SBF2: variants seen among roughly 807,000 people sequenced by gnomAD.
SBF2 encodes myotubularin-related protein 13.
SBF2 carries 112 observed loss-of-function variants against 225.2 expected under a neutral mutation model. That is an observed-to-expected ratio of 0.50 (90% confidence interval 0.43 to 0.58). The LOEUF is 0.58. Among genes scored for constraint, SBF2 ranks in the 20% least tolerant of loss-of-function variants. The probability of loss-of-function intolerance (pLI) is 0.00; values close to 1 mark genes in which losing one functional copy is unlikely to be tolerated. For synonymous variants in SBF2, 763 were observed against 773.3 expected, an observed-to-expected ratio of 0.99 and a Z score of 0.22; for missense variants, 1,996 against 2,206.2, an observed-to-expected ratio of 0.90 and a Z score of 1.91.
chr11:9,970,713 C>T (rs184525490), intron 13 of SBF2, among the ~76,000 whole-genome samples: 21 of 152,278 alleles, frequency 1.4e-4, no homozygotes, highest in Admixed American at 2.6e-4. Flanking sequence ...AACAACTTTG[C>T]CTAAGTTATA....
intron 1 of SBF2, among the ~76,000 whole-genome samples, chr11:10,201,691 G>C (rs918468243): frequency 1.3e-5 from 2 of 152,162 alleles, no homozygotes; most frequent in Admixed American, 1.3e-4. Context: ...AGAGTCCATA[G>C]GCTTTTACAG....
intron 17 of SBF2, among the ~76,000 whole-genome samples, chr11:9,884,660 C>A (rs1291124424): frequency 6.6e-5 from 10 of 152,096 alleles, no homozygotes; most frequent in Admixed American, 6.6e-4. Context: ...TGTGGGTGCA[C>A]AAAATACTCA....
chr11:9,936,985 C>T (rs1250558096), intron 16 of SBF2, among the ~76,000 whole-genome samples: 1 of 151,832 alleles, frequency 6.6e-6, no homozygotes, highest in Non-Finnish European at 1.5e-5. Flanking sequence ...CTTAAAGGTC[C>T]CACCTCCCAA....
intron 27 of SBF2, among the ~76,000 whole-genome samples, chr11:9,831,457 T>A (rs913911409): frequency 1.3e-5 from 2 of 152,256 alleles, no homozygotes; most frequent in Non-Finnish European, 2.9e-5. Context: ...AAACATTGGC[T>A]GACTTTCAAA....
chr11:10,248,824 G>A lies in SBF2; in HGVS notation c.55+45191C>T, dbSNP rs113829646. Among the ~76,000 whole-genome samples the A allele has an allele frequency of 1.9e-3, 293 of 152,282 alleles. 1 individual carries two copies. The highest frequency in any genetic ancestry group is 6.4e-3 in the African/African-American group (265 of 41,550). ...GTAAAACAAATTCTAGGCCGGGCGC[G>A]GAGGCTTACGCCTGTAATCCTAGGG... On this transcript the variant is annotated intron_variant, in intron 1 of 39. Coordinates refer to ENST00000256190, the MANE Select transcript of SBF2 (RefSeq NM_030962.4).
chr11:9,823,251 T>G lies in SBF2; in HGVS notation c.3793+6105A>C, dbSNP rs150669969. 2.1e-3 allele frequency among the ~76,000 whole-genome samples: 318 copies of G among 152,270 alleles called. 1 individual carries two copies. The highest frequency in any genetic ancestry group is 7.1e-3 in the African/African-American group (297 of 41,552). ...CACTTCTTGCTTTTAAAATGATTCT[T>G]AGGTAAAAAAGGATGCAGCCCTTGT... is the stretch of plus-strand genomic sequence containing the variant. On this transcript the variant is annotated intron_variant, in intron 28 of 39. Transcript: ENST00000256190.
At chr11:10,247,823 A>G (rs186183683) in intron 1 of SBF2, among the ~76,000 whole-genome samples, 37 of 152,270 alleles carry the variant, frequency 2.4e-4, no homozygotes, top group Non-Finnish European at 4.1e-4. Flanking sequence ...ACAGAAGAAA[A>G]CACCATCATA....
At chr11:9,898,125 A>T (rs1003304101) in intron 16 of SBF2, among the ~76,000 whole-genome samples, 15 of 151,082 alleles carry the variant, frequency 9.9e-5, no homozygotes, top group East Asian at 3.9e-4. Flanking sequence ...AGGCAAAGAT[A>T]ATCTTTGCCT....
Position 9,849,876 on chromosome 11 carries a change from G to A in SBF2, c.2806+147C>T, listed in dbSNP as rs887222959. On this transcript the variant is annotated intron_variant, in intron 22 of 39. Coordinates refer to ENST00000256190, the MANE Select transcript of SBF2 (RefSeq NM_030962.4). ...TATGACCCAAATTATCATTAGCTCT[G>A]TCAGACTAAAGTATTTCACCAAAAT... 59 of 761,256 alleles carry A rather than the reference G, an allele frequency of 7.8e-5. No homozygotes were observed. The East Asian group carries it at 8.3e-4, about 11-fold the overall frequency. The allele number at this position is 761,256 out of a possible 1,614,324, so 47.2% of individuals were successfully genotyped here.
At chr11:10,108,960 T>C (rs928909421) in intron 2 of SBF2, among the ~76,000 whole-genome samples, 2 of 152,128 alleles carry the variant, frequency 1.3e-5, no homozygotes, top group African/African-American at 4.8e-5. Flanking sequence ...TTTTACATGG[T>C]GCAGACTAAA....
At chr11:10,175,235 A>C (rs1231543444) in intron 2 of SBF2, among the ~76,000 whole-genome samples, 1 of 151,894 alleles carries the variant, frequency 6.6e-6, no homozygotes, top group Non-Finnish European at 1.5e-5. Context: ...TAAAGAGTCA[A>C]GACCCATCAG....
intron 1 of SBF2, among the ~76,000 whole-genome samples, chr11:10,289,784 C>T (rs553642749): frequency 1.3e-5 from 2 of 152,280 alleles, no homozygotes; most frequent in South Asian, 2.1e-4. Flanking sequence ...CGGCCCCAGA[C>T]CCCCATATCA....
chr11:10,104,775 CTTAAA>C (rs1480516038), intron 2 of SBF2, among the ~76,000 whole-genome samples: 2 of 143,488 alleles, frequency 1.4e-5, no homozygotes, highest in Non-Finnish European at 1.6e-5. Flanking sequence ...AATAGATTTT[CTTAAA>C]TAAGTTTTCC....
intron 2 of SBF2, among the ~76,000 whole-genome samples, chr11:10,173,975 A>C (rs1206472726): frequency 6.6e-6 from 1 of 152,032 alleles, no homozygotes; most frequent in Non-Finnish European, 1.5e-5. Flanking sequence ...GAAAACTAAC[A>C]AACAGAAAGG....
chr11:10,173,198 A>C (rs970631713), intron 2 of SBF2, among the ~76,000 whole-genome samples: 2 of 152,228 alleles, frequency 1.3e-5, no homozygotes, highest in Admixed American at 6.5e-5. Context: ...TACAGCTCCC[A>C]GCGTGAGCGA....
At chr11:10,034,169 T>C (rs1434263275) in intron 3 of SBF2, among the ~76,000 whole-genome samples, 1 of 152,196 alleles carries the variant, frequency 6.6e-6, no homozygotes, top group African/African-American at 2.4e-5. Flanking sequence ...CACATTGACT[T>C]ACAAGGTCAA....
At chr11:10,040,669 A>G (rs140934677) in intron 3 of SBF2, among the ~76,000 whole-genome samples, 3 of 151,984 alleles carry the variant, frequency 2.0e-5, no homozygotes, top group East Asian at 3.9e-4. Context: ...CCTGAGGTTG[A>G]TAACTGTACT....
At chr11:9,790,758 G>A (rs537478593) in intron 33 of SBF2, 75 bp from the exon 34 acceptor site, 3 of 1,162,476 alleles carry the variant, frequency 2.6e-6, no homozygotes, top group Non-Finnish European at 3.8e-6. Context: ...GATGCATGCA[G>A]CAGATAAAAA....
At chr11:9,935,252 G>A (rs1163693289) in intron 16 of SBF2, among the ~76,000 whole-genome samples, 2 of 152,158 alleles carry the variant, frequency 1.3e-5, no homozygotes, top group African/African-American at 4.8e-5. Flanking sequence ...TACAAGGGAT[G>A]TGAAGGACCT....
Sources: gnomAD v4.1 joint callset for allele counts (sites outside exome capture counted in the v4.1 genomes callset) on GRCh38, gnomAD v4.1.1 for gene constraint, MANE v1.5 for transcripts, NCBI Gene and HGNC (gene_info 2026-07-23, HGNC 2026-07-21) for gene names.